Variants in MGAT4C observed in about 807,000 individuals in gnomAD.
The protein encoded by MGAT4C is alpha-1,3-mannosyl-glycoprotein 4-beta-N-acetylglucosaminyltransferase C.
MGAT4C carries 19 observed loss-of-function variants against 40.1 expected under a neutral mutation model. That is an observed-to-expected ratio of 0.47 (90% CI 0.33 to 0.70). The LOEUF is 0.70. Ranked by LOEUF, MGAT4C falls within the 30% of genes least tolerant of loss-of-function variation. The pLI is 0.02. For synonymous variants in MGAT4C, 181 were observed against 187.1 expected (o/e 0.97, Z 0.27); for missense variants, 491 against 563.2 (o/e 0.87, Z 1.30).
intron 3 of MGAT4C, among the ~76,000 whole-genome samples, chr12:86,371,827 T>C (rs1411211584): frequency 6.6e-6 from 1 of 151,836 alleles, no homozygotes; most frequent in Non-Finnish European, 1.5e-5. Flanking sequence ...TTAAAGTAAA[T>C]TAAATAAAAA....
At chr12:86,698,801 G>C (rs1950304993) in intron 2 of MGAT4C, among the ~76,000 whole-genome samples, 2 of 152,126 alleles carry the variant, frequency 1.3e-5, no homozygotes, top group Non-Finnish European at 2.9e-5. Flanking sequence ...TTTTGTCTGT[G>C]GTTGAGAAAA....
intron 3 of MGAT4C, among the ~76,000 whole-genome samples, chr12:86,344,859 T>C (rs1172943916): frequency 6.6e-6 from 1 of 151,914 alleles, no homozygotes; most frequent in Non-Finnish European, 1.5e-5. Context: ...ATGTGACATA[T>C]TGACATATTT....
chr12:86,783,230 G>A (rs971969373), intron 1 of MGAT4C, among the ~76,000 whole-genome samples: 6 of 152,042 alleles, frequency 3.9e-5, no homozygotes, highest in Admixed American at 3.3e-4. Flanking sequence ...CATAAAGACC[G>A]AAAGGCCATA....
chr12:86,609,585 A>G (rs1962172446), intron 2 of MGAT4C, among the ~76,000 whole-genome samples: 1 of 152,128 alleles, frequency 6.6e-6, no homozygotes. Flanking sequence ...TTAACAGGAT[A>G]ATTTTACTGA....
At chr12:86,149,706 T>TA (rs1197557533) in intron 1 of MGAT4C, among the ~76,000 whole-genome samples, 13 of 152,324 alleles carry the variant, frequency 8.5e-5, no homozygotes, top group Non-Finnish European at 8.8e-5. Flanking sequence ...TCTTAGAACA[T>TA]AATTCTTCAA....
chr12:86,296,475 C>A (rs535118710), intron 4 of MGAT4C, among the ~76,000 whole-genome samples: 1 of 152,308 alleles, frequency 6.6e-6, no homozygotes, highest in African/African-American at 2.4e-5. Flanking sequence ...CAGGGAGGCT[C>A]CAGTTGCACA....
At chr12:86,533,120 T>A (rs933957307) in intron 2 of MGAT4C, among the ~76,000 whole-genome samples, 3 of 152,092 alleles carry the variant, frequency 2.0e-5, no homozygotes, top group Non-Finnish European at 4.4e-5. Flanking sequence ...ACAGTTAATT[T>A]GGATTCCAGA....
chr12:86,680,828 TTA>T (rs1441908711), intron 2 of MGAT4C, among the ~76,000 whole-genome samples: 4 of 151,984 alleles, frequency 2.6e-5, no homozygotes, highest in Non-Finnish European at 5.9e-5. Flanking sequence ...GGCTTCTATA[TTA>T]TGTTTCTTCT....
intron 4 of MGAT4C, among the ~76,000 whole-genome samples, chr12:86,315,824 A>C (rs1158096487): frequency 1.3e-5 from 2 of 152,070 alleles, no homozygotes; most frequent in African/African-American, 4.8e-5. Flanking sequence ...TGTAGCAAAA[A>C]CGAAAATTGA....
chr12:86,621,379 A>G lies in MGAT4C; in HGVS notation c.-229+105830T>C, dbSNP rs137996752. On this transcript the variant is annotated intron_variant, in intron 2 of 7. Coordinates refer to the MGAT4C transcript ENST00000548651. ...GACACTGATTCCTGAGAGAGTGGAA[A>G]TAAAAGAGATGAACTCTATGAGTGA... 3.1e-3 allele frequency among the ~76,000 whole-genome samples: 471 copies of G among 152,304 alleles called. 2 individuals carry two copies. The highest frequency in any genetic ancestry group is 0.011 in the African/African-American group (457 of 41,574).
At chr12:86,097,958 G>C (rs985552378) in intron 1 of MGAT4C, among the ~76,000 whole-genome samples, 22 of 151,576 alleles carry the variant, frequency 1.5e-4, no homozygotes, top group African/African-American at 4.6e-4. Context: ...TAAAATAGAG[G>C]GTAGCAACCT....
At chr12:86,405,438 C>A (rs1436272110) in intron 3 of MGAT4C, among the ~76,000 whole-genome samples, 1 of 151,932 alleles carries the variant, frequency 6.6e-6, no homozygotes, top group Non-Finnish European at 1.5e-5. Flanking sequence ...TTGCACCAGA[C>A]TTGTATGCTG....
At chr12:86,605,550 A>G (rs1221969644) in intron 2 of MGAT4C, among the ~76,000 whole-genome samples, 1 of 152,098 alleles carries the variant, frequency 6.6e-6, no homozygotes, top group Non-Finnish European at 1.5e-5. Context: ...CTAACTCTCG[A>G]TTTTCCATTG....
At chr12:86,349,321 A>G (rs1337688087) in intron 3 of MGAT4C, among the ~76,000 whole-genome samples, 1 of 152,080 alleles carries the variant, frequency 6.6e-6, no homozygotes, top group Admixed American at 6.6e-5. Context: ...GGTGGAGGTA[A>G]TTTAAGGCTG....
chr12:86,595,812 T>G (rs955811619), intron 2 of MGAT4C, among the ~76,000 whole-genome samples: 1 of 152,210 alleles, frequency 6.6e-6, no homozygotes, highest in African/African-American at 2.4e-5. Flanking sequence ...TGACTTAGAC[T>G]TATTGGTGGG....
intron 2 of MGAT4C, chr12:86,002,207 A>T (rs1286834723): frequency 6.6e-6 from 1 of 152,028 alleles, no homozygotes; most frequent in Non-Finnish European, 1.5e-5. Flanking sequence ...CCCAAAAGCA[A>T]TTGTCTGAGG....
intron 2 of MGAT4C, among the ~76,000 whole-genome samples, chr12:86,489,438 C>T (rs1172778551): frequency 6.6e-6 from 1 of 152,208 alleles, no homozygotes; most frequent in East Asian, 1.9e-4. Context: ...CCCTAAAAGG[C>T]TGTCACACTA....
In MGAT4C at chr12:86,262,599, G is replaced by A. The variant is rs1952683078; in HGVS notation, c.-57+71466C>T. On this transcript the variant is annotated intron_variant, in intron 4 of 7. Coordinates refer to the MGAT4C transcript ENST00000548651. ...ATCTTCCACTAGGTTCTTGAAAGCA[G>A]ACATTCTGTCTGCTTTTGCTTACTC... 2.6e-5 allele frequency among the ~76,000 whole-genome samples: 4 copies of A among 152,092 alleles called. 1 individual carries two copies. In the South Asian group the frequency reaches 8.3e-4, roughly 32 times the overall value.
At chr12:86,185,432 T>C (rs1888652985) in intron 1 of MGAT4C, among the ~76,000 whole-genome samples, 2 of 152,198 alleles carry the variant, frequency 1.3e-5, no homozygotes, top group Non-Finnish European at 2.9e-5. Flanking sequence ...TTATTCTGAA[T>C]GAGACTTTTG....
Sources: allele counts gnomAD v4.1 joint callset (sites outside exome capture counted in the v4.1 genomes callset), GRCh38; gene constraint gnomAD v4.1.1; transcripts MANE v1.5; gene names NCBI Gene and HGNC (gene_info 2026-07-23, HGNC 2026-07-21).